Variants in COL5A2 observed in about 807,000 individuals in gnomAD.
COL5A2 encodes collagen type V alpha 2 chain.
A neutral mutation model predicts 208.2 loss-of-function variants in COL5A2; 23 were observed. That is an observed-to-expected ratio of 0.11 (90% CI 0.08 to 0.16). COL5A2 has a LOEUF of 0.16. Among genes scored for constraint, COL5A2 ranks in the 10% least tolerant of loss-of-function variants. The pLI is 1.00. For missense variants in COL5A2, 1,590 were observed against 1,956.4 expected (o/e 0.81, Z 3.53); for synonymous variants, 625 against 628.5 (o/e 0.99, Z 0.08).
intron 1 of COL5A2, among the ~76,000 whole-genome samples, chr2:189,224,013 C>T (rs781747798): frequency 3.3e-5 from 5 of 151,490 alleles, no homozygotes; most frequent in Admixed American, 6.6e-5. Context: ...AGAAAAATTA[C>T]GTAAAATATA....
chr2:189,198,146 C>T (rs1689029638), intron 1 of COL5A2, among the ~76,000 whole-genome samples: 1 of 152,148 alleles, frequency 6.6e-6, no homozygotes, highest in African/African-American at 2.4e-5. Flanking sequence ...GAGTACATTA[C>T]CCCTACCTGA....
chr2:189,174,418 G>C (rs1009609072), intron 1 of COL5A2, among the ~76,000 whole-genome samples: 1 of 152,180 alleles, frequency 6.6e-6, no homozygotes, highest in African/African-American at 2.4e-5. Context: ...CTTTGCAATG[G>C]TTTACCTACA....
At chr2:189,071,643 T>G (rs1452668167) in intron 18 of COL5A2, among the ~76,000 whole-genome samples, 1 of 152,170 alleles carries the variant, frequency 6.6e-6, no homozygotes, top group East Asian at 1.9e-4. Context: ...GCATCTAATT[T>G]ATTTTAACCT....
chr2:189,087,243 C>T (rs1013407528), intron 8 of COL5A2, among the ~76,000 whole-genome samples: 1 of 152,022 alleles, frequency 6.6e-6, no homozygotes, highest in African/African-American at 2.4e-5. Context: ...GAGTTGAAAA[C>T]GATTTGGGGC....
At chr2:189,299,413 T>G in the COL5A2 span, among the ~76,000 whole-genome samples, 2 of 152,172 alleles carry the variant, frequency 1.3e-5, no homozygotes, top group Non-Finnish European at 2.9e-5. Flanking sequence ...CCCAGACCCA[T>G]GAGCCCACCT....
chr2:189,238,894 G>A, the COL5A2 span, among the ~76,000 whole-genome samples: 1 of 152,084 alleles, frequency 6.6e-6, no homozygotes, highest in East Asian at 1.9e-4. Flanking sequence ...GGGACTCAAA[G>A]AAACCAAGTT....
At chr2:189,210,823 A>C (rs376928559) in intron 1 of COL5A2, among the ~76,000 whole-genome samples, 3 of 152,284 alleles carry the variant, frequency 2.0e-5, no homozygotes, top group African/African-American at 7.2e-5. Context: ...GCTTCTCTGG[A>C]ACAGAGGAGG....
At chr2:189,411,965 C>T in the COL5A2 span, among the ~76,000 whole-genome samples, 1 of 152,202 alleles carries the variant, frequency 6.6e-6, no homozygotes, top group East Asian at 1.9e-4. Flanking sequence ...TGGAAAGGGG[C>T]TTCCAAAATA....
At chr2:189,365,486 G>A in the COL5A2 span, among the ~76,000 whole-genome samples, 8 of 152,218 alleles carry the variant, frequency 5.3e-5, no homozygotes, top group Non-Finnish European at 7.3e-5. Context: ...TTCCTATGAA[G>A]AATCTCAGTT....
the COL5A2 span, among the ~76,000 whole-genome samples, chr2:189,405,422 G>T: frequency 5.7e-3 from 874 of 152,158 alleles, 11 homozygotes; most frequent in African/African-American, 0.02. Flanking sequence ...AGTAGACACA[G>T]GGTTTCACCA....
chr2:189,406,623 C>T, the COL5A2 span, among the ~76,000 whole-genome samples: 1 of 152,156 alleles, frequency 6.6e-6, no homozygotes, highest in Non-Finnish European at 1.5e-5. Context: ...ATGATTGACA[C>T]AGATCTGACC....
intron 1 of COL5A2, among the ~76,000 whole-genome samples, chr2:189,216,388 A>C (rs2105873498): frequency 6.6e-6 from 1 of 152,158 alleles, no homozygotes; most frequent in East Asian, 1.9e-4. Context: ...GATTTATTCA[A>C]CAACTCACTA....
intron 1 of COL5A2, among the ~76,000 whole-genome samples, chr2:189,221,817 T>C (rs975452156): frequency 3.3e-5 from 5 of 152,150 alleles, no homozygotes; most frequent in Non-Finnish European, 7.4e-5. Context: ...GGGTAGTCAA[T>C]GGCAATGTTA....
At chr2:189,277,626 A>G in the COL5A2 span, among the ~76,000 whole-genome samples, 1 of 152,138 alleles carries the variant, frequency 6.6e-6, no homozygotes, top group Non-Finnish European at 1.5e-5. Context: ...CCTGCTAGCC[A>G]CAAAGTATAC....
chr2:189,161,832 A>G (rs990992725), intron 1 of COL5A2, among the ~76,000 whole-genome samples: 2 of 152,234 alleles, frequency 1.3e-5, no homozygotes, highest in African/African-American at 4.8e-5. Context: ...CAATAAATAA[A>G]AGGATTTATT....
chr2:189,088,783 G>A lies in COL5A2; in HGVS notation c.568-11C>T, dbSNP rs375129913. ...TTGAGCTGAAAACGGCTGTAAAAGC[G>A]ATATGTTGACATTATTTCTACAGTA... is the stretch of plus-strand genomic sequence containing the variant. On this transcript the variant is annotated splice_polypyrimidine_tract_variant and intron_variant, in intron 7 of 53. Transcript: ENST00000374866. The A allele has an allele frequency of 2.9e-5, 47 of 1,610,262 alleles. No homozygotes were observed. Among genetic ancestry groups the A allele is most frequent in the Non-Finnish European group, 3.7e-5 (43 of 1,176,686 alleles).
chr2:189,296,252 AT>A, the COL5A2 span, among the ~76,000 whole-genome samples: 1 of 151,656 alleles, frequency 6.6e-6, no homozygotes, highest in Non-Finnish European at 1.5e-5. Context: ...TTAATACTAT[AT>A]TTTTTTTATT....
chr2:189,437,346 A>C, the COL5A2 span, among the ~76,000 whole-genome samples: 2 of 152,234 alleles, frequency 1.3e-5, no homozygotes, highest in African/African-American at 4.8e-5. Flanking sequence ...AGATCTTGTT[A>C]GAATGCAGAT....
At chr2:189,311,498 G>T in the COL5A2 span, 1 of 1,079,954 alleles carries the variant, frequency 9.3e-7, no homozygotes, top group Non-Finnish European at 1.4e-6. Context: ...CTCTGCCCGA[G>T]TCTGTGCCAG....
Sources: allele counts gnomAD v4.1 joint callset (sites outside exome capture counted in the v4.1 genomes callset), GRCh38; gene constraint gnomAD v4.1.1; transcripts MANE v1.5; gene names NCBI Gene and HGNC (gene_info 2026-07-23, HGNC 2026-07-21).